The following CRYL1 variants were observed in gnomAD, a reference collection of about 807,000 sequenced individuals.
The protein encoded by CRYL1 is lambda-crystallin homolog.
A neutral mutation model predicts 36.6 loss-of-function variants in CRYL1; 29 were observed. The observed-to-expected ratio is 0.79, with a 90% confidence interval of 0.59 to 1.08. The LOEUF (loss-of-function observed/expected upper bound fraction) is 1.08, where lower values mean the gene tolerates loss of function less well. Among genes scored for constraint, CRYL1 ranks in the 50% least tolerant of loss-of-function variants. The probability of loss-of-function intolerance (pLI) is 0.00; values close to 1 mark genes in which losing one functional copy is unlikely to be tolerated. For synonymous variants in CRYL1, 152 were observed against 151.5 expected (o/e 1.00, Z -0.02); for missense variants, 411 against 407.9 (o/e 1.01, Z -0.06).
chr13:20,477,414 G>T (rs993304701), intron 3 of CRYL1, among the ~76,000 whole-genome samples: 1 of 151,084 alleles, frequency 6.6e-6, no homozygotes, highest in African/African-American at 2.4e-5. Flanking sequence ...ATAGCAGTAG[G>T]TAAAACAATC....
chr13:20,497,447 CA>C (rs1438363353), intron 2 of CRYL1, among the ~76,000 whole-genome samples: 8 of 9,354 alleles, frequency 8.6e-4, no homozygotes, highest in East Asian at 4.1e-3. Flanking sequence ...CACAACTACA[CA>C]CACCACATAT....
intron 3 of CRYL1, among the ~76,000 whole-genome samples, chr13:20,488,772 G>T (rs2033449149): frequency 6.6e-6 from 1 of 152,268 alleles, no homozygotes; most frequent in Admixed American, 6.5e-5. Flanking sequence ...GGCAGGGCCT[G>T]TGCGTGGGCA....
intron 2 of CRYL1, among the ~76,000 whole-genome samples, chr13:20,507,790 C>T (rs1373879047): frequency 6.6e-6 from 1 of 151,916 alleles, no homozygotes; most frequent in Non-Finnish European, 1.5e-5. Flanking sequence ...TGGTGGCGAG[C>T]ACCTGTAGCC....
intron 3 of CRYL1, among the ~76,000 whole-genome samples, chr13:20,458,385 C>T (rs2032732034): frequency 6.6e-6 from 1 of 152,170 alleles, no homozygotes; most frequent in South Asian, 2.1e-4. Context: ...AGAATTAAAA[C>T]AGGAGCTTGA....
rs970140526 is a variant in CRYL1, at chr13:20,415,499, G to A, written c.634-2112C>T. ...CGGGAGCAGGCGGCCTGGCCCAGGA[G>A]CCAGGACGGCCACAGCCACGCCACC... On this transcript the variant is annotated intron_variant, in intron 5 of 7. Coordinates refer to ENST00000298248, the MANE Select transcript of CRYL1 (RefSeq NM_015974.3). This position sits in a 1 kb window ranked among gnomAD's most constrained non-coding sequence, Gnocchi z 4.1. Among the ~76,000 whole-genome samples, 5 of 152,198 alleles carry A rather than the reference G, an allele frequency of 3.3e-5. No homozygotes were observed. The highest frequency in any genetic ancestry group is 1.2e-4 in the African/African-American group (5 of 41,458).
intron 6 of CRYL1, among the ~76,000 whole-genome samples, chr13:20,406,360 A>G (rs1445229254): frequency 6.6e-6 from 1 of 152,216 alleles, no homozygotes; most frequent in Non-Finnish European, 1.5e-5. Flanking sequence ...ATTTGCTTCA[A>G]ATAGTTCTTC....
intron 6 of CRYL1, among the ~76,000 whole-genome samples, chr13:20,409,082 C>T (rs2031453281): frequency 6.6e-6 from 1 of 152,176 alleles, no homozygotes; most frequent in South Asian, 2.1e-4. Flanking sequence ...AGGCATCACA[C>T]TACCTGACTT....
At chr13:20,495,757 G>A (rs1044308550) in intron 2 of CRYL1, among the ~76,000 whole-genome samples, 3 of 152,242 alleles carry the variant, frequency 2.0e-5, no homozygotes, top group Admixed American at 6.5e-5. Context: ...CAGATGGAGG[G>A]ATAAACAAAA....
At chr13:20,484,580 G>A (rs1052301963) in intron 3 of CRYL1, among the ~76,000 whole-genome samples, 1 of 152,130 alleles carries the variant, frequency 6.6e-6, no homozygotes, top group Non-Finnish European at 1.5e-5. Flanking sequence ...GCTGAGGCAC[G>A]ATAATCGCTT....
At chr13:20,507,128 C>T (rs1268648632) in intron 2 of CRYL1, among the ~76,000 whole-genome samples, 7 of 152,244 alleles carry the variant, frequency 4.6e-5, no homozygotes, top group Middle Eastern at 3.2e-3. Context: ...TGAACTATGA[C>T]TCCATTAAAC....
At chr13:20,502,997 G>T (rs559324572) in intron 2 of CRYL1, among the ~76,000 whole-genome samples, 3 of 148,762 alleles carry the variant, frequency 2.0e-5, no homozygotes, top group African/African-American at 7.8e-5. Context: ...CCGGAAGCAC[G>T]CAGGATCATA....
chr13:20,407,273 A>T (rs1177891713), intron 6 of CRYL1, among the ~76,000 whole-genome samples: 1 of 151,840 alleles, frequency 6.6e-6, no homozygotes, highest in Non-Finnish European at 1.5e-5. Context: ...AGGCGCCCAC[A>T]CCACGTGCTC....
rs9552224 is a variant in CRYL1, at chr13:20,525,515, T to C, written c.41+239A>G. Among the ~76,000 whole-genome samples the C allele has an allele frequency of 0.3, 45,531 of 151,952 alleles. 8,116 individuals carry two copies. Among genetic ancestry groups the C allele is most frequent in the African/African-American group, 0.49 (20,293 of 41,422 alleles). ...TCAACCTCGGAACCTCCTGCAACGC[T>C]GGCTCCCGGGAAGCAGACCCAACTC... On this transcript the variant is annotated intron_variant, in intron 1 of 7. Transcript: ENST00000298248. The surrounding 1 kb of genome is among the most constrained non-coding windows in gnomAD (Gnocchi z 4.3).
At chr13:20,440,472 T>C (rs1250355037) in intron 3 of CRYL1, among the ~76,000 whole-genome samples, 1 of 152,188 alleles carries the variant, frequency 6.6e-6, no homozygotes, top group Non-Finnish European at 1.5e-5. Context: ...GGGTGAGGAA[T>C]ATATGGGAGT....
intron 3 of CRYL1, among the ~76,000 whole-genome samples, chr13:20,443,920 A>G (rs1565966036): frequency 6.6e-6 from 1 of 152,246 alleles, no homozygotes; most frequent in Non-Finnish European, 1.5e-5. Context: ...TCATAGCAAA[A>G]GGAAATCCAC....
At chr13:20,513,011 C>T (rs1312646338) in intron 1 of CRYL1, among the ~76,000 whole-genome samples, 3 of 152,084 alleles carry the variant, frequency 2.0e-5, no homozygotes, top group Non-Finnish European at 2.9e-5. Flanking sequence ...CTGACTTGAT[C>T]GTTACACATT....
intron 6 of CRYL1, among the ~76,000 whole-genome samples, chr13:20,407,149 A>G (rs1267278395): frequency 6.6e-6 from 1 of 151,380 alleles, no homozygotes; most frequent in East Asian, 2.0e-4. Flanking sequence ...AGTGCAATTC[A>G]TAATTTTCCC....
rs61380702 is a variant in CRYL1 at position 20,505,359 on chromosome 13, C to CAAAAAAAAAA, written c.149+7074_149+7083dup. Among the ~76,000 whole-genome samples the CAAAAAAAAAA allele has an allele frequency of 8.8e-5, 8 of 91,222 alleles. 1 individual carries two copies. The East Asian group carries it at 1.1e-3, about 13-fold the overall frequency. The allele number at this position is 91,222 out of a possible 152,430, so 59.8% of individuals were successfully genotyped here. A position where few individuals can be genotyped will look rare whatever the true frequency, so the allele number is the denominator to read the frequency against. ...GCAACAAAGTGAGACTCTATCCCAC[C>CAAAAAAAAAA]AAAAAAAAAAAAAAAAAAAAAAATC... On this transcript the variant is annotated intron_variant, in intron 2 of 7. Transcript: ENST00000298248.
chr13:20,521,130 GAAA>G (rs2034088282), intron 1 of CRYL1, among the ~76,000 whole-genome samples: 2 of 30,830 alleles, frequency 6.5e-5, no homozygotes, highest in Non-Finnish European at 1.5e-4. Flanking sequence ...AAAAAGGAAA[GAAA>G]GAAAGAAGGA....
Sources: allele counts gnomAD v4.1 joint callset (sites outside exome capture counted in the v4.1 genomes callset), GRCh38; gene constraint gnomAD v4.1.1; non-coding constraint Gnocchi (gnomAD v3.1); transcripts MANE v1.5; gene names NCBI Gene and HGNC (gene_info 2026-07-23, HGNC 2026-07-21).